MYH14: variants seen among roughly 807,000 people sequenced by gnomAD.
MYH14 encodes myosin-14.
In MYH14, 123 loss-of-function variants were observed where a neutral mutation model predicts 255.5. The observed-to-expected ratio is 0.48, with a 90% CI of 0.42 to 0.56. MYH14 has a LOEUF of 0.56. MYH14 is among the 20% of genes least tolerant of loss of function. The pLI is 0.00. For synonymous variants in MYH14, 1,095 were observed against 1,161.2 expected, an observed-to-expected ratio of 0.94 and a Z score of 1.16; for missense variants, 2,423 against 2,802.3, an observed-to-expected ratio of 0.86 and a Z score of 3.06.
intron 33 of MYH14, 111 bp from the exon 34 acceptor site, chr19:50,286,367 TTGTC>T: frequency 9.5e-7 from 1 of 1,055,292 alleles, no homozygotes; most frequent in Non-Finnish European, 1.4e-6. Context: ...GTCTCTGCCT[TTGTC>T]TGTCTCTTTC....
intron 10 of MYH14, among the ~76,000 whole-genome samples, chr19:50,239,030 T>C (rs530963191): frequency 8.2e-4 from 125 of 152,234 alleles, no homozygotes; most frequent in Admixed American, 3.2e-3. Flanking sequence ...AAAAATTCTC[T>C]CTTGCGCATG....
chr19:50,267,685 C>T (rs565372212), intron 23 of MYH14, among the ~76,000 whole-genome samples: 2 of 150,868 alleles, frequency 1.3e-5, no homozygotes, highest in East Asian at 2.0e-4. Flanking sequence ...TTTCTGTTTG[C>T]CTTTTCTGCA....
At chr19:50,271,002 A>G (rs2035278924) in intron 24 of MYH14, among the ~76,000 whole-genome samples, 1 of 151,906 alleles carries the variant, frequency 6.6e-6, no homozygotes, top group African/African-American at 2.4e-5. Context: ...CCTATTTACT[A>G]TGTTTATAGT....
At chr19:50,271,320 C>A in intron 24 of MYH14, 89 bp from the exon 25 acceptor site, 2 of 1,400,826 alleles carry the variant, frequency 1.4e-6, no homozygotes, top group South Asian at 1.3e-5. Context: ...CGCGGGGATC[C>A]GTGGGCCAGC....
At chr19:50,264,585 C>T (rs536461522) in intron 22 of MYH14, among the ~76,000 whole-genome samples, 6 of 138,080 alleles carry the variant, frequency 4.3e-5, no homozygotes, top group South Asian at 2.6e-4. Flanking sequence ...CAAACAGTGA[C>T]GTCAGTATGC....
rs750239450 is a variant in MYH14, at chr19:50,278,089, G to A, written c.3832G>A (p.Gly1278Ser). 22 of 1,572,218 alleles carry A rather than the reference G, an allele frequency of 1.4e-5. No individual in the cohort carries two copies. Among genetic ancestry groups the A allele is most frequent in the Non-Finnish European group, 1.8e-5 (21 of 1,152,354 alleles). ...EQLEQARRGKGAWEKTRLALE... is the reference protein window; with the variant it reads ...EQLEQARRGKSAWEKTRLALE... ...CATCTCCTTCCCACACCAGGGCAAA[G>A]GTGCATGGGAGAAGACCCGGCTGGC... Residue 1278 changes from glycine (G) to serine (S), a missense_variant, in exon 30 of 43, where the codon GGT becomes AGT. By Grantham distance (56) the Gly-to-Ser change is moderately conservative. Transcript: ENST00000642316.
chr19:50,309,914 T>A lies in MYH14; in HGVS notation c.*124T>A. The stretch of plus-strand genomic sequence containing the variant: ...TTGCCCTTTGGAAATGGTGCAGCAC[T>A]CTGGCATTTATCACCCCCACCTGGG... On this transcript the variant is annotated 3_prime_UTR_variant, in exon 43 of 43. Coordinates refer to ENST00000642316, the MANE Select transcript of MYH14 (RefSeq NM_001145809.2). 2.0e-6 allele frequency: 2 copies of A among 1,000,206 alleles called. No homozygotes were observed. Among genetic ancestry groups the A allele is most frequent in the Non-Finnish European group, 3.1e-6 (2 of 648,600 alleles). 62.0% of individuals were successfully genotyped at this position (1,000,206 alleles called of 1,614,324 possible). A position where few individuals can be genotyped will look rare whatever the true frequency, so the allele number is the denominator to read the frequency against.
chr19:50,250,541 G>C lies in MYH14; in HGVS notation c.1683G>C (p.Leu561=), dbSNP rs1470116644. Residue 561 remains leucine (L), a synonymous_variant, in exon 15 of 43, where the codon CTG becomes CTC. Transcript: ENST00000642316. The surrounding 1 kb of genome is among the most constrained non-coding windows in gnomAD (Gnocchi z 5.4). ...RPANPPGLLA[L]LDEECWFPKA... is the part of the protein sequence containing the mutation. ...CCAACCCCCCTGGACTCCTGGCCCTGCTGGATGAGGAGTGCTGGTTCCCGA... is the reference window on the plus strand; with the variant it reads ...CCAACCCCCCTGGACTCCTGGCCCTCCTGGATGAGGAGTGCTGGTTCCCGA... The C allele has an allele frequency of 6.2e-7, 1 of 1,613,702 alleles. No individual in the cohort carries two copies. Among genetic ancestry groups the C allele is most frequent in the Non-Finnish European group, 8.5e-7 (1 of 1,179,848 alleles).
intron 10 of MYH14, among the ~76,000 whole-genome samples, 170 bp from the exon 11 acceptor site, chr19:50,244,072 G>T (rs751785871): frequency 4.0e-5 from 6 of 151,884 alleles, no homozygotes; most frequent in Non-Finnish European, 5.9e-5. Context: ...GCCTCCCAGA[G>T]TGCTGGGATT....
In MYH14 at chr19:50,245,362, T is replaced by C. The variant is rs375411698; in HGVS notation, c.1210+1025T>C. Among the ~76,000 whole-genome samples the C allele has an allele frequency of 1.9e-4, 29 of 148,746 alleles. No individual in the cohort carries two copies. The East Asian group carries it at 2.8e-3, about 14-fold the overall frequency. ...TGAACCCAGGAGGCGGAGGTTGCAG[T>C]TGAGCCGAGATTGTGCCGCTGCACT... On this transcript the variant is annotated intron_variant, in intron 11 of 42. Coordinates refer to ENST00000642316, the MANE Select transcript of MYH14 (RefSeq NM_001145809.2).
intron 24 of MYH14, 87 bp from the exon 25 acceptor site, chr19:50,271,322 T>G: frequency 3.5e-6 from 5 of 1,427,580 alleles, no homozygotes; most frequent in Non-Finnish European, 4.8e-6. Context: ...CGGGGATCCG[T>G]GGGCCAGCCA....
chr19:50,293,348 G>A lies in MYH14; in HGVS notation c.5345+27G>A. On this transcript the variant is annotated intron_variant, in intron 38 of 42. Coordinates refer to ENST00000642316, the MANE Select transcript of MYH14 (RefSeq NM_001145809.2). The surrounding 1 kb of genome is among the most constrained non-coding windows in gnomAD (Gnocchi z 4.1). ...TAAGTGCCCCAAGGGTCTGAAGGCTGAGGTACTGCGTCTGCAGGAGGTGAA... is the reference window on the plus strand; with the variant it reads ...TAAGTGCCCCAAGGGTCTGAAGGCTAAGGTACTGCGTCTGCAGGAGGTGAA... The A allele has an allele frequency of 6.4e-7, 1 of 1,568,980 alleles. No homozygotes were observed. Among genetic ancestry groups the A allele is most frequent in the Non-Finnish European group, 8.7e-7 (1 of 1,152,480 alleles).
At chr19:50,228,961 G>A (rs1385845197) in intron 8 of MYH14, among the ~76,000 whole-genome samples, 3 of 152,172 alleles carry the variant, frequency 2.0e-5, no homozygotes, top group Non-Finnish European at 2.9e-5. Context: ...CAGTGCCATC[G>A]TGACCAGCTT....
chr19:50,255,088 C>T (rs1184219965), intron 16 of MYH14, 132 bp from the exon 17 acceptor site: 2 of 673,738 alleles, frequency 3.0e-6, no homozygotes, highest in Non-Finnish European at 5.4e-6. Flanking sequence ...TTGCTCTGTA[C>T]TGTTGACTAA....
chr19:50,225,513 G>C, intron 6 of MYH14, 72 bp from the exon 7 acceptor site: 1 of 1,219,102 alleles, frequency 8.2e-7, no homozygotes, highest in Non-Finnish European at 1.2e-6. Flanking sequence ...TGGAGACACA[G>C]CCCGAGCTGG....
intron 10 of MYH14, among the ~76,000 whole-genome samples, chr19:50,234,759 C>T (rs2033580462): frequency 6.6e-6 from 1 of 152,152 alleles, no homozygotes; most frequent in African/African-American, 2.4e-5. Flanking sequence ...GGCAGCTGCC[C>T]TGCTGTGTGG....
At chr19:50,208,476 C>A (rs2031967123) in intron 1 of MYH14, among the ~76,000 whole-genome samples, 1 of 151,570 alleles carries the variant, frequency 6.6e-6, no homozygotes, top group Admixed American at 6.6e-5. Context: ...AACAAACCCA[C>A]CAAACATACC....
intron 20 of MYH14, 21 bp from the exon 21 acceptor site, chr19:50,261,454 C>T: frequency 7.9e-7 from 1 of 1,267,426 alleles, no homozygotes; most frequent in Non-Finnish European, 1.0e-6. Context: ...TCCGTCATCA[C>T]CCCTCTCCCA....
chr19:50,256,111 C>T (rs565785836), intron 17 of MYH14, among the ~76,000 whole-genome samples: 1 of 151,952 alleles, frequency 6.6e-6, no homozygotes, highest in East Asian at 1.9e-4. Context: ...GACCCCGTCT[C>T]TACAAAATAA....
Sources: gnomAD v4.1 joint callset for allele counts (sites outside exome capture counted in the v4.1 genomes callset) on GRCh38, gnomAD v4.1.1 for gene constraint, Gnocchi (gnomAD v3.1) non-coding constraint, MANE v1.5 for transcripts, NCBI Gene and HGNC (gene_info 2026-07-23, HGNC 2026-07-21) for gene names.